Variants in ESR1 observed in about 807,000 individuals in gnomAD.
ESR1 encodes the protein estrogen receptor.
ESR1 carries 12 observed loss-of-function variants against 52.7 expected under a neutral mutation model. That is an observed-to-expected ratio of 0.23 (90% CI 0.15 to 0.37). The LOEUF (loss-of-function observed/expected upper bound fraction) is 0.37, where lower values mean the gene tolerates loss of function less well. Among genes scored for constraint, ESR1 ranks in the 10% least tolerant of loss-of-function variants. ESR1 has a pLI of 1.00. For missense variants in ESR1, 584 were observed against 779.7 expected (o/e 0.75, Z 2.99); for synonymous variants, 305 against 316.8 (o/e 0.96, Z 0.39).
At chr6:151,677,333 T>C (rs1582869275) in intron 1 of ESR1, among the ~76,000 whole-genome samples, 1 of 152,224 alleles carries the variant, frequency 6.6e-6, no homozygotes, top group East Asian at 1.9e-4. Flanking sequence ...TTTATTTCCC[T>C]TTCTGTAAAA....
chr6:151,923,452 C>T (rs982688665), intron 3 of ESR1, among the ~76,000 whole-genome samples: 6 of 152,120 alleles, frequency 3.9e-5, no homozygotes, highest in Non-Finnish European at 5.9e-5. Context: ...AGTTTCTCTA[C>T]TCTATAAAAT....
At chr6:152,115,398 G>C (rs1019801411) in intron 6 of ESR1, among the ~76,000 whole-genome samples, 6 of 152,030 alleles carry the variant, frequency 3.9e-5, no homozygotes, top group African/African-American at 7.2e-5. Flanking sequence ...TTGGTTTTGG[G>C]ACAATTATCT....
At chr6:151,734,442 G>A (rs1222825333) in intron 2 of ESR1, among the ~76,000 whole-genome samples, 1 of 152,028 alleles carries the variant, frequency 6.6e-6, no homozygotes, top group South Asian at 2.1e-4. Context: ...ATAAAATATG[G>A]TTATGAGTGC....
chr6:152,042,257 T>G (rs2045870786), intron 5 of ESR1, among the ~76,000 whole-genome samples: 1 of 152,124 alleles, frequency 6.6e-6, no homozygotes, highest in African/African-American at 2.4e-5. Flanking sequence ...CTATGCCAAT[T>G]ATGCATTCTG....
At chr6:151,830,999 C>T (rs1439765901) in intron 1 of ESR1, among the ~76,000 whole-genome samples, 2 of 152,184 alleles carry the variant, frequency 1.3e-5, no homozygotes, top group Non-Finnish European at 2.9e-5. Context: ...AAGTCATTCT[C>T]TTATATGACT....
chr6:151,878,743 T>G (rs1792279471), intron 2 of ESR1, among the ~76,000 whole-genome samples: 1 of 152,216 alleles, frequency 6.6e-6, no homozygotes, highest in African/African-American at 2.4e-5. Context: ...ATAACTTCCT[T>G]AGTCTAAATT....
chr6:151,734,617 G>A (rs556428955), intron 2 of ESR1, among the ~76,000 whole-genome samples: 2 of 151,986 alleles, frequency 1.3e-5, no homozygotes, highest in Admixed American at 1.3e-4. Context: ...TAAGGGCAAA[G>A]CTAACCTTTT....
At chr6:151,948,205 A>C (rs2035926644) in intron 4 of ESR1, among the ~76,000 whole-genome samples, 1 of 147,460 alleles carries the variant, frequency 6.8e-6, no homozygotes, top group South Asian at 2.1e-4. Flanking sequence ...AATGAAATAC[A>C]TCTGAGTTTT....
At chr6:152,105,518 T>C (rs1436540141), downstream of ESR1, among the ~76,000 whole-genome samples, 1 of 151,208 alleles carries the variant, frequency 6.6e-6, no homozygotes, top group Non-Finnish European at 1.5e-5. Context: ...CTCTGCCTCC[T>C]GGGTTCAAGC....
chr6:152,034,746 T>C (rs183090713), intron 5 of ESR1, among the ~76,000 whole-genome samples: 33 of 152,338 alleles, frequency 2.2e-4, no homozygotes, highest in Admixed American at 1.0e-3. Flanking sequence ...AAGAGCCGAA[T>C]TGTCAGTGCA....
At chr6:152,093,274 C>CAA (rs548065969) in intron 6 of ESR1, among the ~76,000 whole-genome samples, 2 of 104,436 alleles carry the variant, frequency 1.9e-5, no homozygotes, top group Non-Finnish European at 4.1e-5. Flanking sequence ...GACTCTGTCT[C>CAA]AAAAAAAAAA....
chr6:151,729,324 C>T (rs867963181), intron 2 of ESR1, among the ~76,000 whole-genome samples: 3 of 146,194 alleles, frequency 2.1e-5, no homozygotes, highest in Non-Finnish European at 4.7e-5. Context: ...GCCTCCAGAA[C>T]CATGAGAAGT....
chr6:151,956,673 A>C (rs2036946718), intron 4 of ESR1, among the ~76,000 whole-genome samples: 1 of 151,906 alleles, frequency 6.6e-6, no homozygotes, highest in Non-Finnish European at 1.5e-5. Flanking sequence ...AGGCTAAAGA[A>C]GTGATCGTGC....
intron 3 of ESR1, among the ~76,000 whole-genome samples, chr6:151,883,014 A>G (rs1793207095): frequency 6.6e-6 from 1 of 152,198 alleles, no homozygotes; most frequent in Non-Finnish European, 1.5e-5. Context: ...CCATAATGAA[A>G]TACCACAGGC....
chr6:151,874,140 C>A (rs1791432840), intron 2 of ESR1, among the ~76,000 whole-genome samples: 1 of 152,100 alleles, frequency 6.6e-6, no homozygotes, highest in South Asian at 2.1e-4. Flanking sequence ...AAAATATGAA[C>A]AGTTAGCTAA....
At chr6:151,681,444 T>C (rs1180272679) in intron 1 of ESR1, among the ~76,000 whole-genome samples, 1 of 150,424 alleles carries the variant, frequency 6.6e-6, no homozygotes, top group Non-Finnish European at 1.5e-5. Flanking sequence ...GGGGGAGCTG[T>C]TGAGGGTCCC....
intron 2 of ESR1, among the ~76,000 whole-genome samples, chr6:151,720,448 A>G (rs1781374539): frequency 6.6e-6 from 1 of 152,214 alleles, no homozygotes; most frequent in African/African-American, 2.4e-5. Context: ...TTCCAAATGA[A>G]TTCCACAAGA....
chr6:152,105,588 GTTAAT>G (rs1450177048), downstream of ESR1, among the ~76,000 whole-genome samples: 18 of 151,458 alleles, frequency 1.2e-4, no homozygotes, highest in Non-Finnish European at 2.5e-4. Flanking sequence ...ACCACACCTG[GTTAAT>G]TTTTATATTT....
intron 2 of ESR1, among the ~76,000 whole-genome samples, chr6:151,724,138 A>G (rs1056013596): frequency 6.6e-6 from 1 of 152,130 alleles, no homozygotes; most frequent in African/African-American, 2.4e-5. Context: ...TCTAGAAGCG[A>G]CAGATGCCTC....
Sources: gnomAD v4.1 joint callset for allele counts (sites outside exome capture counted in the v4.1 genomes callset) on GRCh38, gnomAD v4.1.1 for gene constraint, MANE v1.5 for transcripts, NCBI Gene and HGNC (gene_info 2026-07-23, HGNC 2026-07-21) for gene names.